Variants in CNTNAP2 observed in about 807,000 individuals in gnomAD.
CNTNAP2 encodes the protein contactin-associated protein-like 2.
In CNTNAP2, 98 loss-of-function variants were observed where a neutral mutation model predicts 155.2. That is an observed-to-expected ratio of 0.63 (90% CI 0.54 to 0.75). The LOEUF is 0.75. Among genes scored for constraint, CNTNAP2 ranks in the 30% least tolerant of loss-of-function variants. The pLI, the probability that CNTNAP2 is intolerant of heterozygous loss-of-function variation, is 0.00. For synonymous variants in CNTNAP2, 651 were observed against 631.2 expected, an observed-to-expected ratio of 1.03 and a Z score of -0.47; for missense variants, 1,727 against 1,688.1, an observed-to-expected ratio of 1.02 and a Z score of -0.40.
chr7:147,419,418 T>C (rs1797251718), intron 10 of CNTNAP2, among the ~76,000 whole-genome samples: 1 of 152,154 alleles, frequency 6.6e-6, no homozygotes, highest in Admixed American at 6.5e-5. Context: ...ATAGGAGAAA[T>C]TATGTTCTTG....
At chr7:146,170,525 G>T (rs1451841188) in intron 1 of CNTNAP2, among the ~76,000 whole-genome samples, 2 of 151,568 alleles carry the variant, frequency 1.3e-5, no homozygotes, top group South Asian at 2.1e-4. Flanking sequence ...TTTTTTTACA[G>T]GTGCAAGCCA....
chr7:146,781,851 T>C (rs974516304), intron 2 of CNTNAP2, among the ~76,000 whole-genome samples: 2 of 152,128 alleles, frequency 1.3e-5, no homozygotes, highest in Non-Finnish European at 2.9e-5. Flanking sequence ...GCAGCTGATA[T>C]ACTATAAACT....
At chr7:148,410,263 C>G (rs1014166302) in intron 23 of CNTNAP2, among the ~76,000 whole-genome samples, 1 of 136,982 alleles carries the variant, frequency 7.3e-6, no homozygotes, top group African/African-American at 3.0e-5. Flanking sequence ...TCCAGGATAG[C>G]GTACTATAAA....
intron 11 of CNTNAP2, among the ~76,000 whole-genome samples, chr7:147,486,390 G>C (rs903970659): frequency 6.6e-6 from 1 of 152,128 alleles, no homozygotes; most frequent in African/African-American, 2.4e-5. Flanking sequence ...TGATGTCTCT[G>C]ACTGGACCCT....
intron 15 of CNTNAP2, among the ~76,000 whole-genome samples, chr7:148,108,401 A>G (rs1233841331): frequency 6.6e-6 from 1 of 151,950 alleles, no homozygotes; most frequent in Non-Finnish European, 1.5e-5. Context: ...AGAGATAGGG[A>G]GTACAGAGTT....
chr7:148,382,019 A>T (rs1262848314), intron 21 of CNTNAP2, among the ~76,000 whole-genome samples: 1 of 152,230 alleles, frequency 6.6e-6, no homozygotes, highest in South Asian at 2.1e-4. Context: ...GCCTTACAGG[A>T]AAGAAACAAC....
At chr7:148,070,145 G>A (rs1160923927) in intron 15 of CNTNAP2, among the ~76,000 whole-genome samples, 1 of 152,116 alleles carries the variant, frequency 6.6e-6, no homozygotes. Context: ...TTAGTTCTCT[G>A]GCTTAAAGTC....
intron 13 of CNTNAP2, among the ~76,000 whole-genome samples, chr7:147,647,507 G>A (rs1430124056): frequency 1.3e-5 from 2 of 151,986 alleles, no homozygotes; most frequent in African/African-American, 4.8e-5. Context: ...CATTTTTTCT[G>A]AATTTCTGTT....
intron 1 of CNTNAP2, among the ~76,000 whole-genome samples, chr7:146,423,965 T>G (rs1415032806): frequency 6.6e-6 from 1 of 152,182 alleles, no homozygotes; most frequent in Non-Finnish European, 1.5e-5. Flanking sequence ...AGAGATGAAG[T>G]GACCCTCCTC....
chr7:146,975,707 C>T (rs748307505), intron 3 of CNTNAP2, among the ~76,000 whole-genome samples: 9 of 152,132 alleles, frequency 5.9e-5, no homozygotes, highest in Non-Finnish European at 1.2e-4. Context: ...CCTCCATCTC[C>T]CATTCTCAAA....
intron 1 of CNTNAP2, among the ~76,000 whole-genome samples, chr7:146,448,868 G>A (rs1796439475): frequency 6.6e-6 from 1 of 152,052 alleles, no homozygotes; most frequent in Non-Finnish European, 1.5e-5. Flanking sequence ...GCTGGATGTA[G>A]AAACCTTGAC....
At chr7:147,329,038 G>A (rs2116836863) in intron 9 of CNTNAP2, among the ~76,000 whole-genome samples, 1 of 152,250 alleles carries the variant, frequency 6.6e-6, no homozygotes, top group African/African-American at 2.4e-5. Flanking sequence ...CTCCTCATCT[G>A]TCTCTACCTT....
chr7:147,807,219 AGG>A (rs1351874373), intron 13 of CNTNAP2, among the ~76,000 whole-genome samples: 4 of 148,428 alleles, frequency 2.7e-5, no homozygotes, highest in African/African-American at 9.9e-5. Flanking sequence ...GCTACTTGAG[AGG>A]CTGAGCTGGG....
intron 1 of CNTNAP2, among the ~76,000 whole-genome samples, chr7:146,731,206 A>G (rs1402459395): frequency 6.6e-6 from 1 of 152,048 alleles, no homozygotes; most frequent in Non-Finnish European, 1.5e-5. Context: ...ATGATATCTA[A>G]GCTACAAAAC....
intron 12 of CNTNAP2, among the ~76,000 whole-genome samples, chr7:147,603,448 T>G (rs1318414866): frequency 6.6e-6 from 1 of 152,056 alleles, no homozygotes; most frequent in Non-Finnish European, 1.5e-5. Context: ...GAGAGCCAAA[T>G]CATGAGTGAA....
chr7:146,593,534 C>A (rs1798814472), intron 1 of CNTNAP2, among the ~76,000 whole-genome samples: 1 of 152,114 alleles, frequency 6.6e-6, no homozygotes, highest in Non-Finnish European at 1.5e-5. Flanking sequence ...CCCTCCACCA[C>A]TGCCATCTCA....
chr7:146,862,239 T>C (rs1355635876), intron 3 of CNTNAP2, among the ~76,000 whole-genome samples: 2 of 152,206 alleles, frequency 1.3e-5, no homozygotes, highest in Admixed American at 6.5e-5. Flanking sequence ...GTTTGATATA[T>C]TGAATTAATT....
intron 11 of CNTNAP2, among the ~76,000 whole-genome samples, chr7:147,494,945 C>T (rs1268789977): frequency 6.6e-6 from 1 of 152,172 alleles, no homozygotes; most frequent in East Asian, 1.9e-4. Flanking sequence ...ACTTGGTGTA[C>T]AGGATTATCT....
intron 13 of CNTNAP2, among the ~76,000 whole-genome samples, chr7:147,775,367 ATATATATATT>A (rs1262530193): frequency 8.1e-5 from 3 of 36,908 alleles, no homozygotes; most frequent in South Asian, 7.2e-4. Context: ...ATTTATAAAT[ATATATATATT>A]TATATATATT....
Sources: allele counts gnomAD v4.1 joint callset (sites outside exome capture counted in the v4.1 genomes callset), GRCh38; gene constraint gnomAD v4.1.1; transcripts MANE v1.5; gene names NCBI Gene and HGNC (gene_info 2026-07-23, HGNC 2026-07-21).